Variants in TMT1B observed in about 807,000 individuals in gnomAD.
TMT1B encodes the protein thiol S-methyltransferase TMT1B.
At chr12:55,682,696 G>A in the TMT1B span, among the ~76,000 whole-genome samples, 6 of 151,872 alleles carry the variant, frequency 4.0e-5, no homozygotes, top group African/African-American at 1.5e-4. Context: ...TGAGGTGGGA[G>A]GATCACTTGA....
At chr12:55,682,510 T>G in the TMT1B span, among the ~76,000 whole-genome samples, 39 of 149,344 alleles carry the variant, frequency 2.6e-4, no homozygotes, top group East Asian at 7.3e-3. Flanking sequence ...AACTGAGGTT[T>G]AAATCGAGAT....
At chr12:55,682,029 G>T in the TMT1B span, 1 of 1,614,288 alleles carries the variant, frequency 6.2e-7, no homozygotes, top group Non-Finnish European at 8.5e-7. Context: ...CCACCGGGCT[G>T]CAGGGTCACC....
chr12:55,682,915 A>G, the TMT1B span, among the ~76,000 whole-genome samples: 1 of 152,226 alleles, frequency 6.6e-6, no homozygotes, highest in Non-Finnish European at 1.5e-5. Flanking sequence ...AGTAGAATCC[A>G]TCAGACTGTG....
the TMT1B span, among the ~76,000 whole-genome samples, chr12:55,683,523 A>G: frequency 6.6e-6 from 1 of 151,964 alleles, no homozygotes; most frequent in African/African-American, 2.4e-5. Flanking sequence ...TAATAATACA[A>G]TGAGCCCTCC....
At chr12:55,681,991 C>A in the TMT1B span, 3 of 1,614,232 alleles carry the variant, frequency 1.9e-6, no homozygotes, top group Non-Finnish European at 2.5e-6. Flanking sequence ...AGCTGGGCTG[C>A]GGAACCGGAG....
chr12:55,684,074 AT>A, the TMT1B span: 42 of 1,604,348 alleles, frequency 2.6e-5, no homozygotes, highest in Admixed American at 1.3e-4. Context: ...CAAGGCACTC[AT>A]TTGCTCCTTC....
At chr12:55,683,890 G>T in the TMT1B span, 1 of 1,614,092 alleles carries the variant, frequency 6.2e-7, no homozygotes, top group Non-Finnish European at 8.5e-7. Flanking sequence ...AAGTTTTCGA[G>T]CCCACCTGGA....
chr12:55,684,414 G>A, the TMT1B span: 1,600 of 221,326 alleles, frequency 7.2e-3, 21 homozygotes, highest in South Asian at 5.3e-3. Flanking sequence ...ACACCCATGC[G>A]TCTCTAGGAA....
At chr12:55,684,116 C>T in the TMT1B span, 17 of 1,442,518 alleles carry the variant, frequency 1.2e-5, no homozygotes, top group Non-Finnish European at 1.6e-5. Context: ...AGCCACCCAC[C>T]AGCCTATCTA....
At chr12:55,681,844 C>A in the TMT1B span, 4 of 1,576,534 alleles carry the variant, frequency 2.5e-6, no homozygotes, top group African/African-American at 4.1e-5. Context: ...GCTGGCAGCC[C>A]CTGTGCAAAA....
the TMT1B span, among the ~76,000 whole-genome samples, chr12:55,682,415 CG>C: frequency 1.3e-5 from 2 of 151,958 alleles, no homozygotes; most frequent in African/African-American, 2.4e-5. Flanking sequence ...AGTGCCATGA[CG>C]GGGCACAATT....
At chr12:55,683,671 G>A in the TMT1B span, 2 of 771,502 alleles carry the variant, frequency 2.6e-6, no homozygotes, top group South Asian at 1.7e-5. Context: ...ATGCAGAAAA[G>A]GTCAGGGGCA....
At chr12:55,682,679 A>G in the TMT1B span, among the ~76,000 whole-genome samples, 4 of 151,912 alleles carry the variant, frequency 2.6e-5, no homozygotes, top group East Asian at 7.7e-4. Flanking sequence ...CTAGCTACTC[A>G]GGAAGCTGAG....
At chr12:55,684,284 T>C in the TMT1B span, 1 of 506,762 alleles carries the variant, frequency 2.0e-6, no homozygotes, top group South Asian at 2.1e-5. Context: ...GAGGAAACAC[T>C]AGGACCCTGT....
At chr12:55,684,115 C>CGCTCTCCCTCTCCCGT in the TMT1B span, 1 of 1,447,030 alleles carries the variant, frequency 6.9e-7, no homozygotes, top group South Asian at 1.2e-5. Flanking sequence ...AAGCCACCCA[C>CGCTCTCCCTCTCCCGT]CAGCCTATCT....
At chr12:55,683,656 A>T in the TMT1B span, among the ~76,000 whole-genome samples, 14 of 152,144 alleles carry the variant, frequency 9.2e-5, no homozygotes, top group Admixed American at 7.9e-4. Context: ...AGGCGGTAGC[A>T]GGGGATGCAG....
At chr12:55,682,924 T>C in the TMT1B span, among the ~76,000 whole-genome samples, 1 of 152,170 alleles carries the variant, frequency 6.6e-6, no homozygotes. Flanking sequence ...CATCAGACTG[T>C]GGAGAGAACG....
At chr12:55,682,611 A>C in the TMT1B span, among the ~76,000 whole-genome samples, 6 of 71,168 alleles carry the variant, frequency 8.4e-5, no homozygotes, top group African/African-American at 5.0e-4. Flanking sequence ...TCTCTACAAA[A>C]AAAAAAAAAA....
At chr12:55,682,531 G>GA in the TMT1B span, among the ~76,000 whole-genome samples, 1 of 150,626 alleles carries the variant, frequency 6.6e-6, no homozygotes, top group African/African-American at 2.4e-5. Flanking sequence ...CTGTGCTTGG[G>GA]AGGCTGAAGC....
Sources: allele counts gnomAD v4.1 joint callset (sites outside exome capture counted in the v4.1 genomes callset), GRCh38; gene constraint gnomAD v4.1.1; transcripts MANE v1.5; gene names NCBI Gene and HGNC (gene_info 2026-07-23, HGNC 2026-07-21).